Variants in POU6F2 observed in about 807,000 individuals in gnomAD.
POU6F2 encodes the protein POU domain, class 6, transcription factor 2.
A neutral mutation model predicts 71.3 loss-of-function variants in POU6F2; 31 were observed. The observed-to-expected ratio is 0.43, with a 90% confidence interval of 0.33 to 0.59. POU6F2 has a LOEUF of 0.59. Among genes scored for constraint, POU6F2 ranks in the 20% least tolerant of loss-of-function variants. POU6F2 has a pLI of 0.04. For missense variants in POU6F2, 783 were observed against 856.8 expected, an observed-to-expected ratio of 0.91 and a Z score of 1.07; for synonymous variants, 347 against 355.7, an observed-to-expected ratio of 0.98 and a Z score of 0.27.
At chr7:39,002,588 C>T (rs944319976) in intron 1 of POU6F2, among the ~76,000 whole-genome samples, 8 of 152,174 alleles carry the variant, frequency 5.3e-5, no homozygotes, top group African/African-American at 9.7e-5. Flanking sequence ...TTCATGTGAT[C>T]CACCCACCTC....
chr7:39,242,090 A>T (rs540465999), intron 4 of POU6F2, among the ~76,000 whole-genome samples: 9 of 152,164 alleles, frequency 5.9e-5, no homozygotes, highest in Non-Finnish European at 1.3e-4. Flanking sequence ...GATATACCAC[A>T]GTTTGTTAAT....
In POU6F2 at chr7:39,036,872, G is replaced by GTTA. The variant is rs113776913; in HGVS notation, c.106-48961_106-48959dup. Among the ~76,000 whole-genome samples, 137 of 147,498 alleles carry GTTA rather than the reference G, an allele frequency of 9.3e-4. 2 individuals are homozygous for GTTA. Among genetic ancestry groups the GTTA allele is most frequent in the Admixed American group, 2.4e-3 (35 of 14,664 alleles). ...TCCATGGTGAAATGAAAGAGTACCT[G>GTTA]TTATTATTATTATTATTATTATTAT... is the stretch of plus-strand genomic sequence containing the variant. On this transcript the variant is annotated intron_variant, in intron 1 of 9. Transcript: ENST00000518318.
At chr7:39,456,828 G>A (rs1788818214) in intron 8 of POU6F2, among the ~76,000 whole-genome samples, 1 of 152,176 alleles carries the variant, frequency 6.6e-6, no homozygotes, top group African/African-American at 2.4e-5. Flanking sequence ...TTATCACGGA[G>A]CTAAGTAGAA....
At chr7:39,411,587 G>A (rs1238635116) in intron 6 of POU6F2, among the ~76,000 whole-genome samples, 1 of 152,156 alleles carries the variant, frequency 6.6e-6, no homozygotes, top group Non-Finnish European at 1.5e-5. Flanking sequence ...AGAAGGAAAA[G>A]TAAAGAGACT....
At position 39,071,316 on chromosome 7, in the gene POU6F2, C is replaced by A. The variant is rs564893243; in HGVS notation, c.106-14544C>A. Among the ~76,000 whole-genome samples, 118 of 151,976 alleles carry A rather than the reference C, an allele frequency of 7.8e-4. 1 individual carries two copies. Among genetic ancestry groups the A allele is most frequent in the African/African-American group, 2.7e-3 (113 of 41,420 alleles). Reference sequence around the variant, plus strand: ...GAATCTAATGCCACCAGTGATCCGACAGGAGGCAGAGCTCAGGTGGTAATG... The same window carrying A: ...GAATCTAATGCCACCAGTGATCCGAAAGGAGGCAGAGCTCAGGTGGTAATG... On this transcript the variant is annotated intron_variant, in intron 1 of 9. Coordinates refer to ENST00000518318, the MANE Select transcript of POU6F2 (RefSeq NM_001370959.1).
chr7:39,379,614 T>C (rs1312201834), intron 5 of POU6F2, among the ~76,000 whole-genome samples: 1 of 152,222 alleles, frequency 6.6e-6, no homozygotes. Flanking sequence ...AGTTTTGTGA[T>C]CCTGCAGTAG....
intron 1 of POU6F2, among the ~76,000 whole-genome samples, chr7:39,016,213 TTACC>T (rs1789545056): frequency 7.0e-6 from 1 of 142,192 alleles, no homozygotes; most frequent in Admixed American, 7.5e-5. Context: ...GTATATAAGA[TTACC>T]TATATATAAT....
chr7:39,365,154 G>C (rs915764273), intron 5 of POU6F2, among the ~76,000 whole-genome samples: 1 of 152,066 alleles, frequency 6.6e-6, no homozygotes, highest in African/African-American at 2.4e-5. Context: ...GGCCATCGTT[G>C]CCAAAACAGC....
intron 1 of POU6F2, among the ~76,000 whole-genome samples, chr7:39,058,027 G>A (rs1433011746): frequency 1.3e-5 from 2 of 152,144 alleles, no homozygotes. Context: ...GGCCCTGCGG[G>A]TACCCAGTCT....
chr7:39,194,600 C>T (rs930096435), intron 2 of POU6F2, among the ~76,000 whole-genome samples: 1 of 151,860 alleles, frequency 6.6e-6, no homozygotes, highest in Non-Finnish European at 1.5e-5. Flanking sequence ...TAAAATGGAC[C>T]AATCAGCAGG....
chr7:39,029,181 A>T (rs1017479919), intron 1 of POU6F2, among the ~76,000 whole-genome samples: 2 of 152,136 alleles, frequency 1.3e-5, no homozygotes, highest in African/African-American at 4.8e-5. Context: ...ATAGTTTTTA[A>T]AATTATCATT....
intron 2 of POU6F2, among the ~76,000 whole-genome samples, chr7:39,104,337 C>A (rs922001890): frequency 1.3e-5 from 2 of 152,238 alleles, no homozygotes; most frequent in Non-Finnish European, 2.9e-5. Flanking sequence ...TAGTGCATTT[C>A]TGTCTGACTT....
At chr7:39,002,389 C>T (rs899806575) in intron 1 of POU6F2, among the ~76,000 whole-genome samples, 5 of 152,218 alleles carry the variant, frequency 3.3e-5, no homozygotes, top group African/African-American at 7.2e-5. Flanking sequence ...ACTCTGTTGC[C>T]CAAGCTGGAG....
chr7:39,461,884 A>G (rs1041205864), intron 9 of POU6F2, among the ~76,000 whole-genome samples: 2 of 152,238 alleles, frequency 1.3e-5, no homozygotes, highest in Admixed American at 1.3e-4. Flanking sequence ...CAAGGCTTGT[A>G]TATGTTATTC....
chr7:39,070,197 G>A (rs1195891450), intron 1 of POU6F2, among the ~76,000 whole-genome samples: 1 of 152,178 alleles, frequency 6.6e-6, no homozygotes, highest in East Asian at 1.9e-4. Context: ...TATAAAGACC[G>A]TTGTGGTAAG....
chr7:39,077,402 G>T (rs1791023485), intron 1 of POU6F2, among the ~76,000 whole-genome samples: 1 of 152,186 alleles, frequency 6.6e-6, no homozygotes, highest in South Asian at 2.1e-4. Context: ...GTCCAGAACT[G>T]GCAAACTCCT....
chr7:39,071,747 ACAAAT>A (rs2128718224), intron 1 of POU6F2, among the ~76,000 whole-genome samples: 1 of 152,180 alleles, frequency 6.6e-6, no homozygotes, highest in South Asian at 2.1e-4. Context: ...TTGTGCAACA[ACAAAT>A]CAAACTGTTT....
At chr7:39,133,950 C>G (rs1298912970) in intron 2 of POU6F2, among the ~76,000 whole-genome samples, 1 of 152,164 alleles carries the variant, frequency 6.6e-6, no homozygotes, top group African/African-American at 2.4e-5. Context: ...TCATGGCTCA[C>G]TACAGCCTTG....
chr7:39,460,562 C>T lies in POU6F2; in HGVS notation c.1505C>T (p.Ala502Val), dbSNP rs760007227. The T allele has an allele frequency of 3.7e-6, 6 of 1,613,566 alleles. No homozygotes were observed. Among genetic ancestry groups the T allele is most frequent in the South Asian group, 1.1e-5 (1 of 90,922 alleles). Residue 502 changes from alanine to valine, a missense_variant, in exon 9 of 10, where the codon GCG becomes GTG. Coordinates refer to ENST00000518318, the MANE Select transcript of POU6F2 (RefSeq NM_001370959.1). This position sits in a 1 kb window ranked among gnomAD's most constrained non-coding sequence, Gnocchi z 4.4. ...ATCTCCACAGATCCTCAAACGGCAG[C>T]GGGTGAGGTGGATGGGGTTAATCTG... ...GQLVSNPQTA[A>V]GEVDGVNLEE...
Sources: gnomAD v4.1 joint callset for allele counts (sites outside exome capture counted in the v4.1 genomes callset) on GRCh38, gnomAD v4.1.1 for gene constraint, Gnocchi (gnomAD v3.1) non-coding constraint, MANE v1.5 for transcripts, NCBI Gene and HGNC (gene_info 2026-07-23, HGNC 2026-07-21) for gene names.